The following LRRC28 variants were observed in gnomAD, a reference collection of about 807,000 sequenced individuals.
LRRC28 encodes the protein leucine rich repeat containing 28.
Under a neutral mutation model 45.7 loss-of-function variants are expected in LRRC28, and 39 were observed. The observed-to-expected ratio is 0.85, with a 90% CI of 0.66 to 1.12. The LOEUF is 1.12. Ranked by LOEUF, LRRC28 falls within the 50% of genes most tolerant of loss-of-function variation. LRRC28 has a pLI of 0.00. For synonymous variants in LRRC28, 206 were observed against 178.8 expected, an observed-to-expected ratio of 1.15 and a Z score of -1.22; for missense variants, 435 against 438.5, an observed-to-expected ratio of 0.99 and a Z score of 0.07.
intron 5 of LRRC28, among the ~76,000 whole-genome samples, chr15:99,327,784 T>G (rs1045444540): frequency 6.6e-6 from 1 of 152,120 alleles, no homozygotes; most frequent in Non-Finnish European, 1.5e-5. Flanking sequence ...TACTTTTTCT[T>G]TTTTCTAAAG....
chr15:99,309,975 A>T (rs1228549566), intron 5 of LRRC28, among the ~76,000 whole-genome samples: 1 of 152,234 alleles, frequency 6.6e-6, no homozygotes, highest in Admixed American at 6.5e-5. Flanking sequence ...CTTGTAGAAG[A>T]TGCACCCTCG....
chr15:99,324,744 C>A (rs1262109624), intron 5 of LRRC28, among the ~76,000 whole-genome samples: 1 of 152,080 alleles, frequency 6.6e-6, no homozygotes, highest in African/African-American at 2.4e-5. Flanking sequence ...CAAAAGTAAA[C>A]AATGCAAACA....
rs149886786 is a variant in LRRC28 at position 99,321,436 on chromosome 15, T to G, written c.386-12487T>G. ...GCGTAAGAGACTGGGGCTATTTAGCTTGTGGGCAGCTGGCGTTCGGTCAGT... is the reference window on the plus strand; with the variant it reads ...GCGTAAGAGACTGGGGCTATTTAGCGTGTGGGCAGCTGGCGTTCGGTCAGT... On this transcript the variant is annotated intron_variant, in intron 5 of 9. Coordinates refer to ENST00000301981, the MANE Select transcript of LRRC28 (RefSeq NM_144598.5). 9.7e-4 allele frequency among the ~76,000 whole-genome samples: 148 copies of G among 152,338 alleles called. 1 individual carries two copies. Among genetic ancestry groups the G allele is most frequent in the Middle Eastern group, 6.8e-3 (2 of 294 alleles).
Position 99,386,156 on chromosome 15 carries a change from C to G in LRRC28, c.*54C>G. On this transcript the variant is annotated 3_prime_UTR_variant, in exon 10 of 10. Coordinates refer to ENST00000301981, the MANE Select transcript of LRRC28 (RefSeq NM_144598.5). ...CCAGCTTGACACTGGGGAATCCAGC[C>G]AGTCCAGCACACTCTTCCATCCTGT... 3 of 1,340,960 alleles carry G rather than the reference C, an allele frequency of 2.2e-6. No homozygotes were observed. The highest frequency in any genetic ancestry group is 3.2e-6 in the Non-Finnish European group (3 of 930,780). 83.1% of individuals were successfully genotyped at this position (1,340,960 alleles called of 1,614,324 possible).
In LRRC28 at chr15:99,389,294, G is replaced by A. The variant is rs1220405554; in HGVS notation, c.*3192G>A. ...ACGAATTAAAATCTTTACAGTCTAG[G>A]GGGAAAAAAAGGCTTCAATACCAGT... On this transcript the variant is annotated 3_prime_UTR_variant, in exon 10 of 10. Transcript: ENST00000301981. 1.3e-5 allele frequency: 2 copies of A among 152,004 alleles called. No homozygotes were observed. Among genetic ancestry groups the A allele is most frequent in the Non-Finnish European group, 2.9e-5 (2 of 67,994 alleles). 9.4% of individuals were successfully genotyped at this position (152,004 alleles called of 1,614,324 possible). A position where few individuals can be genotyped will look rare whatever the true frequency, so the allele number is the denominator to read the frequency against.
chr15:99,260,848 C>T (rs575428477), intron 2 of LRRC28, among the ~76,000 whole-genome samples: 16 of 152,226 alleles, frequency 1.1e-4, no homozygotes, highest in African/African-American at 3.4e-4. Context: ...TGGCCTTTTA[C>T]TTATGGATTT....
At chr15:99,348,749 T>TG (rs1400745096) in intron 6 of LRRC28, among the ~76,000 whole-genome samples, 1 of 122,724 alleles carries the variant, frequency 8.1e-6, no homozygotes, top group Non-Finnish European at 1.7e-5. Context: ...TTTTTGTTGT[T>TG]TTTTTTTTGT....
At chr15:99,254,338 C>T (rs1329752290) in intron 1 of LRRC28, among the ~76,000 whole-genome samples, 1 of 152,002 alleles carries the variant, frequency 6.6e-6, no homozygotes, top group Non-Finnish European at 1.5e-5. Context: ...AGTGCTAGCT[C>T]ATTAGCCAGG....
At chr15:99,257,925 A>G (rs947092691) in intron 2 of LRRC28, 1 of 770,430 alleles carries the variant, frequency 1.3e-6, no homozygotes, top group East Asian at 2.5e-5. Context: ...AAATAAAGAG[A>G]TTTTCCTTAG....
chr15:99,311,225 C>T (rs767878867), intron 5 of LRRC28, among the ~76,000 whole-genome samples: 12 of 152,150 alleles, frequency 7.9e-5, no homozygotes, highest in Non-Finnish European at 1.3e-4. Flanking sequence ...CAACCTGGCA[C>T]GTGAGGTCAG....
chr15:99,270,064 A>G (rs1276317193), intron 2 of LRRC28, among the ~76,000 whole-genome samples: 1 of 152,200 alleles, frequency 6.6e-6, no homozygotes, highest in Non-Finnish European at 1.5e-5. Context: ...GGAATGGACA[A>G]GTTGAAAAGA....
chr15:99,354,856 T>A (rs1957000178), intron 7 of LRRC28, among the ~76,000 whole-genome samples: 1 of 152,252 alleles, frequency 6.6e-6, no homozygotes, highest in South Asian at 2.1e-4. Flanking sequence ...GAACAGTTTC[T>A]GCTGTGCTGT....
In LRRC28 at chr15:99,388,840, A is replaced by G. The variant is rs1958104419; in HGVS notation, c.*2738A>G. 1 of 152,212 alleles carries G rather than the reference A, an allele frequency of 6.6e-6. No homozygotes were observed. Among genetic ancestry groups the G allele is most frequent in the South Asian group, 2.1e-4 (1 of 4,824 alleles). 9.4% of individuals were successfully genotyped at this position (152,212 alleles called of 1,614,324 possible). A position where few individuals can be genotyped will look rare whatever the true frequency, so the allele number is the denominator to read the frequency against. Reference sequence around the variant, plus strand: ...GTGAACTCTTGTGTGGTTAGCGATAAGTTTTAAAGTCCAGGATAGCCTCAT... The same window carrying G: ...GTGAACTCTTGTGTGGTTAGCGATAGGTTTTAAAGTCCAGGATAGCCTCAT... On this transcript the variant is annotated 3_prime_UTR_variant, in exon 10 of 10. Transcript: ENST00000301981.
At chr15:99,311,088 G>A (rs1955391774) in intron 5 of LRRC28, among the ~76,000 whole-genome samples, 1 of 152,108 alleles carries the variant, frequency 6.6e-6, no homozygotes, top group South Asian at 2.1e-4. Flanking sequence ...ACCCTTTTTG[G>A]TTTGCTTGCG....
At chr15:99,341,411 A>G (rs1478439192) in intron 6 of LRRC28, among the ~76,000 whole-genome samples, 1 of 152,092 alleles carries the variant, frequency 6.6e-6, no homozygotes, top group African/African-American at 2.4e-5. Flanking sequence ...GTCTTCTGAC[A>G]GTGCTTTGTT....
At chr15:99,351,539 C>CA (rs1365538423) in intron 6 of LRRC28, among the ~76,000 whole-genome samples, 5 of 152,136 alleles carry the variant, frequency 3.3e-5, no homozygotes, top group African/African-American at 9.7e-5. Context: ...ATGCCACTGT[C>CA]ACACCTCACG....
intron 5 of LRRC28, among the ~76,000 whole-genome samples, chr15:99,302,600 A>T (rs1172871069): frequency 6.6e-6 from 1 of 152,236 alleles, no homozygotes; most frequent in Non-Finnish European, 1.5e-5. Context: ...CATAAAATTC[A>T]TCATTTTACA....
At chr15:99,346,941 T>C (rs2152310383) in intron 6 of LRRC28, among the ~76,000 whole-genome samples, 1 of 152,302 alleles carries the variant, frequency 6.6e-6, no homozygotes, top group South Asian at 2.1e-4. Context: ...TATAACACGA[T>C]ATTATGGGAT....
chr15:99,287,083 A>G (rs962921405), intron 3 of LRRC28, among the ~76,000 whole-genome samples, 174 bp from the exon 4 acceptor site: 2 of 152,212 alleles, frequency 1.3e-5, no homozygotes, highest in Non-Finnish European at 2.9e-5. Context: ...TATTTTTCTC[A>G]AAGTATTATT....
Sources: allele counts gnomAD v4.1 joint callset (sites outside exome capture counted in the v4.1 genomes callset), GRCh38; gene constraint gnomAD v4.1.1; transcripts MANE v1.5; gene names NCBI Gene and HGNC (gene_info 2026-07-23, HGNC 2026-07-21).